The following GARS1 variants were observed in gnomAD, a reference collection of about 807,000 sequenced individuals.
GARS1 encodes glycyl-tRNA synthetase 1, also known as glycine--tRNA ligase.
GARS1 carries 46 observed loss-of-function variants against 86.4 expected under a neutral mutation model. The observed-to-expected ratio is 0.53, with a 90% CI of 0.42 to 0.68. The LOEUF (loss-of-function observed/expected upper bound fraction) is 0.68, where lower values mean the gene tolerates loss of function less well. Ranked by LOEUF, GARS1 falls within the 30% of genes least tolerant of loss-of-function variation. The pLI, the probability that GARS1 is intolerant of heterozygous loss-of-function variation, is 0.00. For synonymous variants in GARS1, 342 were observed against 329.8 expected (o/e 1.04, Z -0.40); for missense variants, 797 against 915.6 (o/e 0.87, Z 1.67).
chr7:30,601,646 G>T (rs1031478691), intron 4 of GARS1, among the ~76,000 whole-genome samples: 1 of 152,166 alleles, frequency 6.6e-6, no homozygotes, highest in Non-Finnish European at 1.5e-5. Context: ...GTATATCCTT[G>T]ATTATTTCCT....
In GARS1 at chr7:30,602,883, C is replaced by A. The variant is rs2709809; in HGVS notation, c.570-151C>A. On this transcript the variant is annotated intron_variant, in intron 4 of 16. Coordinates refer to ENST00000389266, the MANE Select transcript of GARS1 (RefSeq NM_002047.4). ...TTTGAGGAAGAATTTTCTCTGGCAT[C>A]CATTACTGTCATGGATACATCATTA... The A allele has an allele frequency of 0.76, 518,577 of 678,836 alleles. 200,518 individuals are homozygous for A. The highest frequency in any genetic ancestry group is 0.93 in the African/African-American group (51,993 of 55,998). The allele number at this position is 678,836 out of a possible 1,614,324, so 42.1% of individuals were successfully genotyped here.
chr7:30,602,184 GT>G (rs1435041381), intron 4 of GARS1, among the ~76,000 whole-genome samples: 2 of 151,792 alleles, frequency 1.3e-5, no homozygotes, highest in African/African-American at 2.4e-5. Flanking sequence ...CGCCTCTCGG[GT>G]TCACGCCATT....
At chr7:30,604,343 C>T (rs1791441095) in intron 6 of GARS1, among the ~76,000 whole-genome samples, 2 of 152,170 alleles carry the variant, frequency 1.3e-5, no homozygotes, top group South Asian at 4.1e-4. Context: ...ATGAGGTCTA[C>T]TGAGGCTCAC....
In GARS1 at chr7:30,595,118, C is replaced by T. The variant is rs1791217852; in HGVS notation, c.197C>T (p.Pro66Leu). The change falls in exon 1 of 17, where the codon CCT becomes CTT. Residue 66 changes from proline (P) to leucine (L), a missense_variant. Physicochemically the swap from Pro to Leu is moderately conservative, Grantham distance 98. Around this residue, in one of 2 missense-constraint regions of GARS1, gnomAD observed 199 missense variants for 176.9 expected, o/e 1.12. Coordinates refer to ENST00000389266, the MANE Select transcript of GARS1 (RefSeq NM_002047.4). ...DGAGAEEVLA[P>L]LRLAVRQQGD... ...GCGGGGGCTGAGGAGGTGCTGGCAC[C>T]TCTGAGGCTAGCAGTGCGCCAGCAG... 3 of 1,539,412 alleles carry T rather than the reference C, an allele frequency of 1.9e-6. No individual in the cohort carries two copies. The highest frequency in any genetic ancestry group is 2.4e-5 in the South Asian group (2 of 84,266).
intron 11 of GARS1, chr7:30,621,804 C>A: frequency 6.4e-6 from 3 of 466,346 alleles, no homozygotes; most frequent in Non-Finnish European, 1.2e-5. Flanking sequence ...TTCACACCTG[C>A]ACCTACCTAC....
intron 12 of GARS1, among the ~76,000 whole-genome samples, chr7:30,625,433 C>G (rs189841389): frequency 6.6e-6 from 1 of 152,298 alleles, no homozygotes; most frequent in Admixed American, 6.5e-5. Context: ...CAGGTGGAAA[C>G]TAGCAAAATA....
intron 6 of GARS1, among the ~76,000 whole-genome samples, chr7:30,607,478 A>G (rs951780464): frequency 6.8e-6 from 1 of 147,172 alleles, no homozygotes; most frequent in Non-Finnish European, 1.5e-5. Context: ...GTTCTCACTC[A>G]TAGGTGGGAA....
intron 11 of GARS1, chr7:30,622,093 C>T: frequency 3.6e-6 from 2 of 562,346 alleles, no homozygotes; most frequent in Admixed American, 5.8e-5. Context: ...TTTTTTCTCA[C>T]TGTAACTGGA....
intron 12 of GARS1, among the ~76,000 whole-genome samples, chr7:30,625,276 A>G (rs1283567027): frequency 6.6e-6 from 1 of 152,156 alleles, no homozygotes; most frequent in Non-Finnish European, 1.5e-5. Context: ...GTTAACTATG[A>G]TACACTTAGA....
intron 5 of GARS1, 35 bp downstream of exon 5, chr7:30,603,157 C>A: frequency 1.3e-6 from 2 of 1,536,206 alleles, no homozygotes; most frequent in Non-Finnish European, 1.8e-6. Flanking sequence ...TAGGATTGAT[C>A]AAAATAAAAG....
At position 30,618,645 on chromosome 7, in the gene GARS1, C is replaced by T. The variant is rs564628330; in HGVS notation, c.1359+1367C>T. 1.8e-4 allele frequency among the ~76,000 whole-genome samples: 28 copies of T among 152,154 alleles called. 1 individual carries two copies. In the East Asian group the frequency reaches 4.2e-3, roughly 23 times the overall value. On this transcript the variant is annotated intron_variant, in intron 10 of 16. Coordinates refer to ENST00000389266, the MANE Select transcript of GARS1 (RefSeq NM_002047.4). ...TGAGGCCCTGTCTCAAACAAACAGA[C>T]GAAAAAAGATCATGCTTAGCTCCAT...
At chr7:30,599,717 A>G (rs1281431328) in intron 2 of GARS1, among the ~76,000 whole-genome samples, 1 of 152,178 alleles carries the variant, frequency 6.6e-6, no homozygotes, top group Non-Finnish European at 1.5e-5. Flanking sequence ...TTAGTCTTGT[A>G]ATCTTGGAAA....
At chr7:30,625,388 A>G (rs144035724) in intron 12 of GARS1, among the ~76,000 whole-genome samples, 2 of 152,380 alleles carry the variant, frequency 1.3e-5, no homozygotes, top group South Asian at 2.1e-4. Flanking sequence ...GGAAGAATTC[A>G]GTGAACACCA....
intron 12 of GARS1, among the ~76,000 whole-genome samples, chr7:30,625,320 G>A (rs777055992): frequency 5.9e-5 from 9 of 152,192 alleles, no homozygotes; most frequent in Non-Finnish European, 1.2e-4. Context: ...GTGACACTGT[G>A]TATGTAATGG....
intron 10 of GARS1, among the ~76,000 whole-genome samples, chr7:30,618,202 C>T (rs1782929120): frequency 6.6e-6 from 1 of 151,990 alleles, no homozygotes; most frequent in African/African-American, 2.4e-5. Context: ...TATGCCTCTC[C>T]CCAGGTGTTT....
chr7:30,595,747 G>T, intron 1 of GARS1: 1 of 470,980 alleles, frequency 2.1e-6, no homozygotes, highest in South Asian at 1.5e-5. Context: ...GTGGATGTGG[G>T]GAGGTGTCGA....
intron 10 of GARS1, among the ~76,000 whole-genome samples, chr7:30,620,854 A>G (rs1782989622): frequency 6.6e-6 from 1 of 152,174 alleles, no homozygotes; most frequent in East Asian, 1.9e-4. Context: ...TCTAAAGAAT[A>G]GTGGTTTCTG....
At chr7:30,625,719 C>A (rs181045002) in intron 12 of GARS1, among the ~76,000 whole-genome samples, 1 of 152,144 alleles carries the variant, frequency 6.6e-6, no homozygotes, top group African/African-American at 2.4e-5. Context: ...GAAACAGAAA[C>A]ATTAAACTTC....
chr7:30,611,029 C>A (rs1374474415), intron 7 of GARS1, among the ~76,000 whole-genome samples: 1 of 152,076 alleles, frequency 6.6e-6, no homozygotes, highest in Non-Finnish European at 1.5e-5. Context: ...GGGTTTTTAG[C>A]CCTTGGTTTT....
Sources: gnomAD v4.1 joint callset for allele counts (sites outside exome capture counted in the v4.1 genomes callset) on GRCh38, gnomAD v4.1.1 for gene constraint, gnomAD v4.1.1 regional missense constraint, MANE v1.5 for transcripts, NCBI Gene and HGNC (gene_info 2026-07-23, HGNC 2026-07-21) for gene names.